The following VAMP2 variants were observed in gnomAD, a reference collection of about 807,000 sequenced individuals.
VAMP2 encodes the protein vesicle-associated membrane protein 2.
For synonymous variants in VAMP2, 67 were observed against 57.3 expected (o/e 1.17, Z -0.76); for missense variants, 95 against 151.3 (o/e 0.63, Z 1.95).
chr17:8,159,218 TG>T lies in VAMP2; in HGVS notation c.*1636del, dbSNP rs1983214841. 1 of 21,460 alleles carries T rather than the reference TG, an allele frequency of 4.7e-5. No individual in the cohort carries two copies. The highest frequency in any genetic ancestry group is 1.8e-4 in the African/African-American group (1 of 5,506). The allele number at this position is 21,460 out of a possible 1,614,324, so 1.3% of individuals were successfully genotyped here. A position where few individuals can be genotyped will look rare whatever the true frequency, so the allele number is the denominator to read the frequency against. On this transcript the variant is annotated 3_prime_UTR_variant, in exon 5 of 5. Transcript: ENST00000316509. The stretch of plus-strand genomic sequence containing the variant: ...GCGCCACAGAATTGGGGGCATGGGG[TG>T]GGGGAAGAGGGGGGCAGGGGACACT...
At position 8,162,569 on chromosome 17, in the gene VAMP2, T is replaced by G. The variant is rs1057504877; in HGVS notation, c.3-200A>C. ...TTGAGCGAGGCCCCCCCGGCCTCAG[T>G]TTCCCCGCCTGTCAACTGAGGGCGA... On this transcript the variant is annotated intron_variant, in intron 1 of 4. Transcript: ENST00000316509. The G allele has an allele frequency of 4.1e-6, 6 of 1,457,438 alleles. No individual in the cohort carries two copies. The African/African-American group carries it at 8.7e-5, about 21-fold the overall frequency. The allele number at this position is 1,457,438 out of a possible 1,614,324, so 90.3% of individuals were successfully genotyped here. A position where few individuals can be genotyped will look rare whatever the true frequency, so the allele number is the denominator to read the frequency against.
chr17:8,160,992 C>T, intron 4 of VAMP2, 121 bp from the exon 5 acceptor site: 1 of 844,060 alleles, frequency 1.2e-6, no homozygotes, highest in Non-Finnish European at 1.9e-6. Context: ...CTGGCTGACA[C>T]CCTCTCTTGG....
intron 4 of VAMP2, chr17:8,161,191 C>T: frequency 1.8e-6 from 1 of 570,544 alleles, no homozygotes; most frequent in Non-Finnish European, 3.1e-6. Flanking sequence ...TTCTCCCACT[C>T]CTCAATTCCA....
chr17:8,162,661 CAGG>C (rs1983353472), intron 1 of VAMP2: 1 of 1,387,574 alleles, frequency 7.2e-7, no homozygotes, highest in African/African-American at 1.5e-5. Context: ...CGGGGAGGGG[CAGG>C]AGGACACTGG....
In VAMP2 at chr17:8,160,763, A is replaced by AGC; in HGVS notation, c.*91_*92insGC. ...ACACACACACACACGGATCCAGGGG[A>AGC]GTGGGGGCTGAAAGATATGGCTGAG... On this transcript the variant is annotated 3_prime_UTR_variant, in exon 5 of 5. Coordinates refer to ENST00000316509, the MANE Select transcript of VAMP2 (RefSeq NM_014232.3). The AGC allele has an allele frequency of 7.2e-7, 1 of 1,383,498 alleles. No homozygotes were observed. The allele number at this position is 1,383,498 out of a possible 1,614,324, so 85.7% of individuals were successfully genotyped here. A position where few individuals can be genotyped will look rare whatever the true frequency, so the allele number is the denominator to read the frequency against.
rs1983338962 is a variant in VAMP2 at position 8,162,315 on chromosome 17, G to A, written c.57C>T (p.Pro19=). The A allele has an allele frequency of 6.2e-7, 1 of 1,601,778 alleles. No homozygotes were observed. ...PPAAPAGEGG[P]PAPPPNLTSN... ...TGGTGAGGTTTGGAGGGGGTGCAGGGGGACCACCCTCCCCAGCCGGGGCAG... is the reference window on the plus strand; with the variant it reads ...TGGTGAGGTTTGGAGGGGGTGCAGGAGGACCACCCTCCCCAGCCGGGGCAG... The change falls in exon 2 of 5, where the codon CCC becomes CCT. Residue 19 remains proline, a synonymous_variant. Transcript: ENST00000316509.
chr17:8,160,414 G>C lies in VAMP2; in HGVS notation c.*441C>G, dbSNP rs1983270502. 1 of 35,334 alleles carries C rather than the reference G, an allele frequency of 2.8e-5. No individual in the cohort carries two copies. The highest frequency in any genetic ancestry group is 1.6e-3 in the South Asian group (1 of 642). 2.2% of individuals were successfully genotyped at this position (35,334 alleles called of 1,614,324 possible). ...TTTTTTTTTTTTTTTTTGAGGGCGG[G>C]GCAGAGGGAGCATGACGGGGAGAGT... On this transcript the variant is annotated 3_prime_UTR_variant, in exon 5 of 5. Coordinates refer to ENST00000316509, the MANE Select transcript of VAMP2 (RefSeq NM_014232.3).
Position 8,162,315 on chromosome 17 carries a change from G to C in VAMP2, c.57C>G (p.Pro19=). 6.2e-7 allele frequency: 1 copy of C among 1,601,896 alleles called. No homozygotes were observed. The change falls in exon 2 of 5, where the codon CCC becomes CCG. Residue 19 remains proline, a synonymous_variant. Transcript: ENST00000316509. ...PPAAPAGEGG[P]PAPPPNLTSN... ...TGGTGAGGTTTGGAGGGGGTGCAGG[G>C]GGACCACCCTCCCCAGCCGGGGCAG...
In VAMP2 at chr17:8,160,580, A is replaced by T. The variant is rs2151865034; in HGVS notation, c.*275T>A. The T allele has an allele frequency of 4.5e-6, 1 of 223,148 alleles. No homozygotes were observed. Among genetic ancestry groups the T allele is most frequent in the East Asian group, 8.1e-5 (1 of 12,396 alleles). 13.8% of individuals were successfully genotyped at this position (223,148 alleles called of 1,614,324 possible). Reference sequence around the variant, plus strand: ...GCTAGTCAGGAAGAAAGGGAAAGGGAAGGAAGGCAAGAGAGAGGGGTGAAG... The same window carrying T: ...GCTAGTCAGGAAGAAAGGGAAAGGGTAGGAAGGCAAGAGAGAGGGGTGAAG... On this transcript the variant is annotated 3_prime_UTR_variant, in exon 5 of 5. Transcript: ENST00000316509.
At position 8,162,651 on chromosome 17, in the gene VAMP2, C is replaced by T. The variant is rs1418236391; in HGVS notation, c.2+227G>A. ...AGACAGGCGGCCGCGGTGACAGGGG[C>T]GGGGAGGGGCAGGAGGACACTGGGT... On this transcript the variant is annotated intron_variant, in intron 1 of 4. Coordinates refer to ENST00000316509, the MANE Select transcript of VAMP2 (RefSeq NM_014232.3). The T allele has an allele frequency of 2.2e-6, 3 of 1,393,912 alleles. No individual in the cohort carries two copies. In the African/African-American group the frequency reaches 4.5e-5, roughly 21 times the overall value. 86.3% of individuals were successfully genotyped at this position (1,393,912 alleles called of 1,614,324 possible).
chr17:8,161,334 A>T, intron 4 of VAMP2, 139 bp downstream of exon 4: 1 of 1,261,730 alleles, frequency 7.9e-7, no homozygotes, highest in Non-Finnish European at 1.1e-6. Flanking sequence ...TTTTGGCTCT[A>T]GATGAATCAG....
chr17:8,162,130 T>C (rs1323279938), intron 2 of VAMP2, 119 bp downstream of exon 2: 1 of 1,437,132 alleles, frequency 7.0e-7, no homozygotes, highest in Non-Finnish European at 9.2e-7. Flanking sequence ...GGGCATGGTA[T>C]CTTTGTCCGC....
At position 8,162,911 on chromosome 17, in the gene VAMP2, G is replaced by T. The variant is rs1052654268; in HGVS notation, c.-32C>A. The T allele has an allele frequency of 5.8e-6, 7 of 1,208,936 alleles. No homozygotes were observed. The African/African-American group carries it at 6.3e-5, about 11-fold the overall frequency. 74.9% of individuals were successfully genotyped at this position (1,208,936 alleles called of 1,614,324 possible). A position where few individuals can be genotyped will look rare whatever the true frequency, so the allele number is the denominator to read the frequency against. ...GGCAGCGGGTGGAGGACTTGGCAGC[G>T]GCAGTGATGGCGGCGGCGGCTCGCG... On this transcript the variant is annotated 5_prime_UTR_variant, in exon 1 of 5. Transcript: ENST00000316509.
At chr17:8,161,061 C>T (rs142567153) in intron 4 of VAMP2, 190 bp from the exon 5 acceptor site, 419 of 561,284 alleles carry the variant, frequency 7.5e-4, no homozygotes, top group Non-Finnish European at 1.1e-3. Flanking sequence ...AGGTCCCTTC[C>T]GCTCCATGGT....
chr17:8,162,599 A>G, intron 1 of VAMP2: 2 of 1,430,930 alleles, frequency 1.4e-6, no homozygotes, highest in African/African-American at 1.5e-5. Flanking sequence ...GGGCGACCTC[A>G]CAGATGCGAT....
chr17:8,162,689 G>A (rs1983354163), intron 1 of VAMP2, 189 bp downstream of exon 1: 2 of 1,328,444 alleles, frequency 1.5e-6, no homozygotes, highest in East Asian at 6.2e-5. Flanking sequence ...GCTCCTTCCC[G>A]CGGCCATCGC....
intron 1 of VAMP2, 86 bp from the exon 2 acceptor site, chr17:8,162,455 C>G (rs1375622452): frequency 3.2e-6 from 5 of 1,566,656 alleles, no homozygotes; most frequent in Non-Finnish European, 4.3e-6. Flanking sequence ...TGTCCATCCT[C>G]GTCCCTCCAG....
chr17:8,160,725 GACACACAC>G lies in VAMP2; in HGVS notation c.*122_*129del, dbSNP rs942219594. The G allele has an allele frequency of 1.4e-6, 1 of 719,790 alleles. No individual in the cohort carries two copies. Among genetic ancestry groups the G allele is most frequent in the Non-Finnish European group, 2.2e-6 (1 of 462,740 alleles). The allele number at this position is 719,790 out of a possible 1,614,324, so 44.6% of individuals were successfully genotyped here. On this transcript the variant is annotated 3_prime_UTR_variant, in exon 5 of 5. Transcript: ENST00000316509. Reference sequence around the variant, plus strand: ...AATAACAGCTGGCTATTTACAGGGGGACACACACACGGACACACACACACACGGATCCA... The same window carrying G: ...AATAACAGCTGGCTATTTACAGGGGGACGGACACACACACACACGGATCCA...
Position 8,160,835 on chromosome 17 carries a change from AG to A in VAMP2, c.*19del, listed in dbSNP as rs759633384. The A allele has an allele frequency of 9.3e-6, 15 of 1,608,700 alleles. No individual in the cohort carries two copies. Among genetic ancestry groups the A allele is most frequent in the Non-Finnish European group, 1.3e-5 (15 of 1,177,008 alleles). ...TTGGGGGAGAGGCCCTTCTCTAGGCAGGGCAGACTCCTCGGGGATTTAAGTG... is the reference window on the plus strand; with the variant it reads ...TTGGGGGAGAGGCCCTTCTCTAGGCAGGCAGACTCCTCGGGGATTTAAGTG... On this transcript the variant is annotated 3_prime_UTR_variant, in exon 5 of 5. Transcript: ENST00000316509.
Sources: allele counts gnomAD v4.1 joint callset, GRCh38; gene constraint gnomAD v4.1.1; transcripts MANE v1.5; gene names NCBI Gene and HGNC (gene_info 2026-07-23, HGNC 2026-07-21).